CAPN9: variants seen among roughly 807,000 people sequenced by gnomAD.
CAPN9 encodes calpain-9.
CAPN9 carries 81 observed loss-of-function variants against 92.8 expected under a neutral mutation model. The observed-to-expected ratio is 0.87, with a 90% CI of 0.73 to 1.05. CAPN9 has a LOEUF of 1.05. Among genes scored for constraint, CAPN9 ranks in the 50% least tolerant of loss-of-function variants. The probability of loss-of-function intolerance (pLI) is 0.00; values close to 1 mark genes in which losing one functional copy is unlikely to be tolerated. For synonymous variants in CAPN9, 304 were observed against 328.0 expected, an observed-to-expected ratio of 0.93 and a Z score of 0.79; for missense variants, 848 against 866.2, an observed-to-expected ratio of 0.98 and a Z score of 0.26.
In CAPN9 at chr1:230,801,778, T is replaced by G. The variant is rs1327680424; in HGVS notation, c.*182T>G. On this transcript the variant is annotated 3_prime_UTR_variant, in exon 20 of 20. Coordinates refer to ENST00000271971, the MANE Select transcript of CAPN9 (RefSeq NM_006615.3). ...AACTCAGCTACACTCTCTGATTTTG[T>G]GCTACTCCTTTGTAAAGTCACTGCC... 4.6e-6 allele frequency: 3 copies of G among 649,214 alleles called. No individual in the cohort carries two copies. The highest frequency in any genetic ancestry group is 8.3e-6 in the Non-Finnish European group (3 of 360,688). The allele number at this position is 649,214 out of a possible 1,614,324, so 40.2% of individuals were successfully genotyped here. A position where few individuals can be genotyped will look rare whatever the true frequency, so the allele number is the denominator to read the frequency against.
intron 7 of CAPN9, 49 bp downstream of exon 7, chr1:230,772,148 G>A (rs1041634807): frequency 6.7e-7 from 1 of 1,491,446 alleles, no homozygotes; most frequent in Non-Finnish European, 9.4e-7. Flanking sequence ...GGCGTGTGGG[G>A]CCAGAGCTGG....
intron 13 of CAPN9, among the ~76,000 whole-genome samples, chr1:230,788,581 T>A (rs1667766577): frequency 6.6e-6 from 1 of 152,142 alleles, no homozygotes; most frequent in Admixed American, 6.6e-5. Context: ...TATCTAAACC[T>A]AGGGGCTGTC....
At chr1:230,782,527 C>G (rs1439812632) in intron 11 of CAPN9, among the ~76,000 whole-genome samples, 1 of 152,166 alleles carries the variant, frequency 6.6e-6, no homozygotes, top group Non-Finnish European at 1.5e-5. Context: ...GAAGCCTGCT[C>G]CTCCTCTTAA....
intron 18 of CAPN9, 21 bp downstream of exon 18, chr1:230,795,300 A>G: frequency 6.7e-7 from 1 of 1,491,428 alleles, no homozygotes; most frequent in South Asian, 1.1e-5. Context: ...AGCGAGGCTG[A>G]GGGTGCACCT....
intron 8 of CAPN9, among the ~76,000 whole-genome samples, chr1:230,777,854 C>A (rs1379822291): frequency 6.6e-6 from 1 of 152,178 alleles, no homozygotes; most frequent in Non-Finnish European, 1.5e-5. Context: ...CCTCTCATCT[C>A]CCTAACCTGT....
At chr1:230,770,651 C>T (rs914088421) in intron 6 of CAPN9, among the ~76,000 whole-genome samples, 1 of 152,072 alleles carries the variant, frequency 6.6e-6, no homozygotes, top group African/African-American at 2.4e-5. Context: ...CCTTGAGGGG[C>T]ACAAGGGGAA....
intron 13 of CAPN9, among the ~76,000 whole-genome samples, chr1:230,789,340 G>A (rs529458201): frequency 6.6e-6 from 1 of 152,174 alleles, no homozygotes; most frequent in East Asian, 1.9e-4. Flanking sequence ...CAGCATGGTG[G>A]TGCATGCCTA....
intron 1 of CAPN9, chr1:230,752,583 A>C (rs539484755): frequency 2.9e-6 from 2 of 698,790 alleles, no homozygotes; most frequent in Non-Finnish European, 3.5e-6. Context: ...CCAGGCCTGC[A>C]GAAGGCTGGG....
In CAPN9 at chr1:230,780,221, A is replaced by G. The variant is rs766393368; in HGVS notation, c.1157A>G (p.Glu386Gly). The change falls in exon 10 of 20, where the codon GAG becomes GGG. Residue 386 changes from glutamate to glycine, a missense_variant. Coordinates refer to ENST00000271971, the MANE Select transcript of CAPN9 (RefSeq NM_006615.3). Reference sequence around the variant, plus strand: ...CCACAAATAAAATTGTCTCTGACTGAGAAAGATGAGGGGCAGGAGGAGTGT... The same window carrying G: ...CCACAAATAAAATTGTCTCTGACTGGGAAAGATGAGGGGCAGGAGGAGTGT... ...TNPQIKLSLTEKDEGQEECSF... is the reference protein window; with the variant it reads ...TNPQIKLSLTGKDEGQEECSF... 3.4e-5 allele frequency: 55 copies of G among 1,613,896 alleles called. No individual in the cohort carries two copies. The highest frequency in any genetic ancestry group is 4.6e-5 in the Non-Finnish European group (54 of 1,179,938).
intron 2 of CAPN9, among the ~76,000 whole-genome samples, chr1:230,757,729 A>AAAC (rs1553257106): frequency 3.3e-5 from 5 of 151,384 alleles, no homozygotes; most frequent in African/African-American, 1.2e-4. Context: ...CAAAAAAAAA[A>AAAC]AAAAAACTAG....
intron 4 of CAPN9, among the ~76,000 whole-genome samples, chr1:230,763,974 G>A (rs559983175): frequency 6.6e-6 from 1 of 152,254 alleles, no homozygotes; most frequent in South Asian, 2.1e-4. Context: ...TGCAAGCAAG[G>A]CAACAGAAAC....
chr1:230,769,076 A>G (rs1666203817), intron 5 of CAPN9, 104 bp from the exon 6 acceptor site: 2 of 858,340 alleles, frequency 2.3e-6, no homozygotes, highest in Non-Finnish European at 3.9e-6. Context: ...GGGCAGCAGA[A>G]GGGGCTGGAG....
Position 230,769,211 on chromosome 1 carries a change from C to T in CAPN9, c.737C>T (p.Thr246Met), listed in dbSNP as rs766462539. 34 of 1,614,000 alleles carry T rather than the reference C, an allele frequency of 2.1e-5. No individual in the cohort carries two copies. Among genetic ancestry groups the T allele is most frequent in the East Asian group, 2.0e-4 (9 of 44,890 alleles). Residue 246 changes from threonine to methionine, a missense_variant, in exon 6 of 20, where the codon ACG becomes ATG. By Grantham distance (81) the Thr-to-Met change is moderately conservative (BLOSUM62 -1). Transcript: ENST00000271971. ...TRSAAESEAR[T>M]PFGLIKGHAY... Reference sequence around the variant, plus strand: ...AGTGCTGCAGAATCTGAGGCCCGGACGCCGTTTGGTCTTATTAAGGGTCAT... The same window carrying T: ...AGTGCTGCAGAATCTGAGGCCCGGATGCCGTTTGGTCTTATTAAGGGTCAT...
intron 8 of CAPN9, 26 bp from the exon 9 acceptor site, chr1:230,778,947 C>T: frequency 2.5e-6 from 4 of 1,602,766 alleles, no homozygotes; most frequent in Non-Finnish European, 3.4e-6. Context: ...CCCTCCTGTG[C>T]ATCGTGTCTC....
In CAPN9 at chr1:230,747,431, C is replaced by G. The variant is rs557163620; in HGVS notation, c.-66C>G. On this transcript the variant is annotated 5_prime_UTR_variant, in exon 1 of 20. Coordinates refer to ENST00000271971, the MANE Select transcript of CAPN9 (RefSeq NM_006615.3). ...GCTGTTCCTTCTTGACCGGCACACA[C>G]AGCTCGCTTCTTCACTTTCTTTTCC... is the stretch of plus-strand genomic sequence containing the variant. 3.6e-6 allele frequency: 5 copies of G among 1,395,160 alleles called. No individual in the cohort carries two copies. In the South Asian group the frequency reaches 4.6e-5, roughly 13 times the overall value. The allele number at this position is 1,395,160 out of a possible 1,614,324, so 86.4% of individuals were successfully genotyped here.
chr1:230,752,585 A>G, intron 1 of CAPN9: 3 of 719,620 alleles, frequency 4.2e-6, no homozygotes, highest in Non-Finnish European at 5.1e-6. Context: ...AGGCCTGCAG[A>G]AGGCTGGGGG....
intron 15 of CAPN9, 124 bp downstream of exon 15, chr1:230,792,052 TC>T: frequency 6.5e-6 from 5 of 770,008 alleles, no homozygotes; most frequent in Non-Finnish European, 1.1e-5. Context: ...ATAGTCTTCT[TC>T]ACAGAAAATA....
At chr1:230,800,882 T>A (rs1351063636) in intron 19 of CAPN9, among the ~76,000 whole-genome samples, 2 of 152,120 alleles carry the variant, frequency 1.3e-5, no homozygotes, top group African/African-American at 2.4e-5. Flanking sequence ...AACAGGAGAT[T>A]TTCCTGGCTG....
chr1:230,782,434 G>T (rs927799867), intron 11 of CAPN9, among the ~76,000 whole-genome samples: 2 of 152,170 alleles, frequency 1.3e-5, no homozygotes, highest in Admixed American at 6.5e-5. Flanking sequence ...CTTTGACTTT[G>T]TATCAGTTTT....
Sources: gnomAD v4.1 joint callset for allele counts (sites outside exome capture counted in the v4.1 genomes callset) on GRCh38, gnomAD v4.1.1 for gene constraint, MANE v1.5 for transcripts, NCBI Gene and HGNC (gene_info 2026-07-23, HGNC 2026-07-21) for gene names.